BHMT: variants seen among roughly 807,000 people sequenced by gnomAD.
BHMT encodes betaine--homocysteine S-methyltransferase, also known as betaine--homocysteine S-methyltransferase 1.
BHMT carries 38 observed loss-of-function variants against 49.5 expected under a neutral mutation model. The observed-to-expected ratio is 0.77, with a 90% confidence interval of 0.59 to 1.01. The LOEUF (loss-of-function observed/expected upper bound fraction) is 1.01, where lower values mean the gene tolerates loss of function less well. BHMT is among the 50% of genes least tolerant of loss of function. The pLI is 0.00. For synonymous variants in BHMT, 166 were observed against 176.3 expected (o/e 0.94, Z 0.46); for missense variants, 426 against 495.7 (o/e 0.86, Z 1.34).
intron 3 of BHMT, 45 bp downstream of exon 3, chr5:79,119,422 C>T (rs1410436228): frequency 2.0e-6 from 3 of 1,470,364 alleles, no homozygotes; most frequent in South Asian, 2.4e-5. Flanking sequence ...TATTGTCGAC[C>T]TATTGCATCA....
At chr5:79,116,051 T>C (rs1292503582) in intron 2 of BHMT, 152 bp downstream of exon 2, 1 of 988,918 alleles carries the variant, frequency 1.0e-6, no homozygotes, top group East Asian at 3.1e-5. Context: ...ACCTAGTCTC[T>C]CAGAAGTTTT....
Position 79,115,808 on chromosome 5 carries a change from A to C in BHMT, c.75A>C (p.Gly25=), listed in dbSNP as rs771258014. The change falls in exon 2 of 8, where the codon GGA becomes GGC. Residue 25 remains glycine (G), a synonymous_variant. Transcript: ENST00000274353. ...ERLNAGEIVI[G]DGGFVFALEK... is the part of the protein sequence containing the mutation. ...TAAATGCTGGAGAGATTGTGATTGG[A>C]GATGGAGGGTTTGTCTTTGCACTGG... 2 of 1,613,696 alleles carry C rather than the reference A, an allele frequency of 1.2e-6. No homozygotes were observed. The highest frequency in any genetic ancestry group is 1.7e-6 in the Non-Finnish European group (2 of 1,179,842).
intron 7 of BHMT, 21 bp from the exon 8 acceptor site, chr5:79,130,912 T>C: frequency 2.5e-6 from 4 of 1,575,130 alleles, no homozygotes; most frequent in Non-Finnish European, 3.5e-6. Flanking sequence ...TTGTCTGGTG[T>C]CATGTGTTTT....
intron 5 of BHMT, among the ~76,000 whole-genome samples, chr5:79,123,427 C>G (rs746021169): frequency 2.0e-5 from 3 of 152,194 alleles, no homozygotes; most frequent in Non-Finnish European, 4.4e-5. Flanking sequence ...CATGCTGCAT[C>G]CAGAAATAAT....
chr5:79,116,884 A>G (rs749396518), intron 2 of BHMT, among the ~76,000 whole-genome samples: 1 of 152,234 alleles, frequency 6.6e-6, no homozygotes, highest in African/African-American at 2.4e-5. Context: ...CCTTGTGGTC[A>G]GGAAAAAGTA....
At chr5:79,120,281 T>C in intron 3 of BHMT, 69 bp from the exon 4 acceptor site, 1 of 1,357,826 alleles carries the variant, frequency 7.4e-7, no homozygotes, top group South Asian at 1.5e-5. Context: ...AAGATGTGAA[T>C]GTTTGAATAA....
At chr5:79,121,705 C>T (rs1232148069) in intron 5 of BHMT, among the ~76,000 whole-genome samples, 1 of 150,874 alleles carries the variant, frequency 6.6e-6, no homozygotes, top group African/African-American at 2.4e-5. Context: ...GTCCCAGCTA[C>T]TCGGGAGGCT....
intron 2 of BHMT, among the ~76,000 whole-genome samples, chr5:79,118,203 C>T (rs1207290171): frequency 5.3e-5 from 8 of 152,284 alleles, no homozygotes; most frequent in East Asian, 3.9e-4. Context: ...GGAGGCCTCA[C>T]GCCTGTAATC....
In BHMT at chr5:79,126,188, C is replaced by T. The variant is rs1343978579; in HGVS notation, c.768C>T (p.Cys256=). Residue 256 remains cysteine, a synonymous_variant, in exon 6 of 8, where the codon TGC becomes TGT. Transcript: ENST00000274353. ...CCTTGGCTTACCACACTCCTGACTG[C>T]AACAAGCAGGGATTCATCGATCTCC... ...SQPLAYHTPD[C]NKQGFIDLPE... is the part of the protein sequence containing the mutation. 1 of 1,613,820 alleles carries T rather than the reference C, an allele frequency of 6.2e-7. No individual in the cohort carries two copies. Among genetic ancestry groups the T allele is most frequent in the African/African-American group, 1.3e-5 (1 of 75,050 alleles).
chr5:79,118,639 C>T (rs993446881), intron 2 of BHMT, among the ~76,000 whole-genome samples: 7 of 152,272 alleles, frequency 4.6e-5, no homozygotes, highest in Admixed American at 3.9e-4. Flanking sequence ...ATATATTTCC[C>T]TGATTCATCA....
rs1580276972 is a variant in BHMT, at chr5:79,131,107, A to G, written c.1212A>G (p.Lys404=). The G allele has an allele frequency of 6.2e-7, 1 of 1,612,932 alleles. No individual in the cohort carries two copies. Among genetic ancestry groups the G allele is most frequent in the Non-Finnish European group, 8.5e-7 (1 of 1,179,512 alleles). The change falls in exon 8 of 8, where the codon AAA becomes AAG. Residue 404 remains lysine (K), a synonymous_variant. Coordinates refer to ENST00000274353, the MANE Select transcript of BHMT (RefSeq NM_001713.3). ...LKELFEKQKF[K]SQ ...AGCTCTTTGAAAAACAAAAATTCAAATCACAGTAGCCTCGATAGAAGCTAT... is the reference window on the plus strand; with the variant it reads ...AGCTCTTTGAAAAACAAAAATTCAAGTCACAGTAGCCTCGATAGAAGCTAT...
chr5:79,123,799 G>A (rs1157063080), intron 5 of BHMT, among the ~76,000 whole-genome samples: 4 of 152,012 alleles, frequency 2.6e-5, no homozygotes, highest in East Asian at 3.9e-4. Flanking sequence ...TAATCCACCC[G>A]CCTCAGCCTC....
Position 79,131,158 on chromosome 5 carries a change from G to A in BHMT, c.*42G>A, listed in dbSNP as rs1250058137. 6.4e-7 allele frequency: 1 copy of A among 1,565,260 alleles called. No individual in the cohort carries two copies. Among genetic ancestry groups the A allele is most frequent in the South Asian group, 1.2e-5 (1 of 83,710 alleles). ...TTTTGATGAATTTCTAGGTGTTTGG[G>A]TCACAGTTCCTACAAATACGGAAAA... On this transcript the variant is annotated 3_prime_UTR_variant, in exon 8 of 8. Transcript: ENST00000274353.
chr5:79,121,408 A>C, intron 5 of BHMT, 43 bp downstream of exon 5: 1 of 1,611,432 alleles, frequency 6.2e-7, no homozygotes. Context: ...TAAGTCTTAA[A>C]AGAACACACT....
At chr5:79,113,923 A>C (rs1463324270) in intron 1 of BHMT, among the ~76,000 whole-genome samples, 1 of 152,090 alleles carries the variant, frequency 6.6e-6, no homozygotes, top group Non-Finnish European at 1.5e-5. Flanking sequence ...TATGCTGCAC[A>C]TTAAAATGCT....
chr5:79,114,055 T>C (rs1756347540), intron 1 of BHMT, among the ~76,000 whole-genome samples: 1 of 150,228 alleles, frequency 6.7e-6, no homozygotes, highest in African/African-American at 2.4e-5. Context: ...TGACCCTTGT[T>C]ATGTTTTTTA....
At chr5:79,125,865 C>T (rs967351489) in intron 5 of BHMT, among the ~76,000 whole-genome samples, 181 bp from the exon 6 acceptor site, 1 of 152,074 alleles carries the variant, frequency 6.6e-6, no homozygotes, top group African/African-American at 2.4e-5. Context: ...ATTGCTTGAT[C>T]ACTTGAGGTG....
chr5:79,119,967 G>A (rs1047109995), intron 3 of BHMT, among the ~76,000 whole-genome samples: 2 of 152,064 alleles, frequency 1.3e-5, no homozygotes, highest in Admixed American at 6.6e-5. Context: ...GAATTCTACA[G>A]GTATTTAAAT....
At chr5:79,113,613 G>A (rs1175603408) in intron 1 of BHMT, among the ~76,000 whole-genome samples, 2 of 152,214 alleles carry the variant, frequency 1.3e-5, no homozygotes, top group African/African-American at 4.8e-5. Context: ...AAATTCTGGT[G>A]TATATTCTGC....
Sources: gnomAD v4.1 joint callset for allele counts (sites outside exome capture counted in the v4.1 genomes callset) on GRCh38, gnomAD v4.1.1 for gene constraint, MANE v1.5 for transcripts, NCBI Gene and HGNC (gene_info 2026-07-23, HGNC 2026-07-21) for gene names.